The following CDC42EP4 variants were observed in gnomAD, a reference collection of about 807,000 sequenced individuals.
CDC42EP4 encodes CDC42 effector protein 4, also known as CDC42 effector protein (Rho GTPase binding) 4.
CDC42EP4 carries 6 observed loss-of-function variants against 5.6 expected under a neutral mutation model. That is an observed-to-expected ratio of 1.07 (90% CI 0.59 to 2.12). The LOEUF is 2.12. Among genes scored for constraint, CDC42EP4 ranks in the 30% most tolerant of loss-of-function variants. The probability of loss-of-function intolerance (pLI) is 0.00; values close to 1 mark genes in which losing one functional copy is unlikely to be tolerated. For synonymous variants in CDC42EP4, 230 were observed against 224.2 expected, an observed-to-expected ratio of 1.03 and a Z score of -0.23; for missense variants, 490 against 508.6, an observed-to-expected ratio of 0.96 and a Z score of 0.35.
chr17:73,297,305 A>C lies in CDC42EP4; in HGVS notation c.-112-10693T>G, dbSNP rs1258608906. The stretch of plus-strand genomic sequence containing the variant: ...GCAAGACTTCGTCTCCAAAAAAAAA[A>C]AAAAACACACACACACAAATTAGCC... On this transcript the variant is annotated intron_variant, in intron 1 of 1. Coordinates refer to ENST00000335793, the MANE Select transcript of CDC42EP4 (RefSeq NM_012121.5). Among the ~76,000 whole-genome samples the C allele has an allele frequency of 2.1e-3, 305 of 148,086 alleles. 1 individual carries two copies. Among genetic ancestry groups the C allele is most frequent in the African/African-American group, 6.9e-3 (275 of 39,946 alleles).
chr17:73,296,644 G>T (rs1191851774), intron 1 of CDC42EP4, among the ~76,000 whole-genome samples: 1 of 151,946 alleles, frequency 6.6e-6, no homozygotes, highest in East Asian at 1.9e-4. Context: ...GGTCAGGAGT[G>T]CAGTACCAGC....
chr17:73,290,253 C>CT (rs2062155348), intron 1 of CDC42EP4, among the ~76,000 whole-genome samples: 1 of 152,210 alleles, frequency 6.6e-6, no homozygotes, highest in Non-Finnish European at 1.5e-5. Flanking sequence ...GAAACTGGGT[C>CT]TTTGAGTCCA....
At chr17:73,294,002 A>T (rs1221867453) in intron 1 of CDC42EP4, among the ~76,000 whole-genome samples, 1 of 152,210 alleles carries the variant, frequency 6.6e-6, no homozygotes, top group African/African-American at 2.4e-5. Context: ...CTGCGTGCGC[A>T]AGGAGGTTAA....
In CDC42EP4 at chr17:73,285,467, AAGG is replaced by A. The variant is rs1236615190; in HGVS notation, c.1031_1033del (p.Ser344del). The stretch of plus-strand genomic sequence containing the variant: ...TTCATCCTCCTCCTCCTCATCCATG[AAGG>A]AGAACTCCTTGTCTGGCTGTCTTGA... On this transcript the variant is annotated inframe_deletion, in exon 2 of 2. Coordinates refer to ENST00000335793, the MANE Select transcript of CDC42EP4 (RefSeq NM_012121.5). The surrounding 1 kb of genome is among the most constrained non-coding windows in gnomAD (Gnocchi z 6.8). The A allele has an allele frequency of 3.2e-6, 5 of 1,575,722 alleles. No individual in the cohort carries two copies. Among genetic ancestry groups the A allele is most frequent in the Admixed American group, 3.6e-5 (2 of 56,008 alleles).
intron 1 of CDC42EP4, among the ~76,000 whole-genome samples, chr17:73,300,843 T>C (rs1259045415): frequency 6.6e-6 from 1 of 151,962 alleles, no homozygotes; most frequent in Non-Finnish European, 1.5e-5. Flanking sequence ...GGTCAGGTGT[T>C]CGAAACCAGA....
At position 73,297,001 on chromosome 17, in the gene CDC42EP4, A is replaced by AACAAAAAC. The variant is rs1555741521; in HGVS notation, c.-112-10390_-112-10389insGTTTTTGT. On this transcript the variant is annotated intron_variant, in intron 1 of 1. Transcript: ENST00000335793. ...GTCTCAAAAAAAAAAAAAAAAAAAA[A>AACAAAAAC]AAATACACAAGGCCAAGCGCCGTGG... Among the ~76,000 whole-genome samples the AACAAAAAC allele has an allele frequency of 3.2e-5, 2 of 61,734 alleles. 1 individual carries two copies. The highest frequency in any genetic ancestry group is 4.6e-4 in the Admixed American group (2 of 4,336). 40.5% of individuals were successfully genotyped at this position (61,734 alleles called of 152,430 possible).
At chr17:73,291,882 C>A (rs889389145) in intron 1 of CDC42EP4, among the ~76,000 whole-genome samples, 1 of 152,192 alleles carries the variant, frequency 6.6e-6, no homozygotes, top group East Asian at 1.9e-4. Context: ...CAGGCCCCTG[C>A]TTGGGTCACA....
At chr17:73,306,173 A>C (rs2062243396) in intron 1 of CDC42EP4, among the ~76,000 whole-genome samples, 1 of 152,120 alleles carries the variant, frequency 6.6e-6, no homozygotes. Context: ...GGAATTTGCC[A>C]GACCCCGGGT....
chr17:73,293,243 C>T (rs755532078), intron 1 of CDC42EP4, among the ~76,000 whole-genome samples: 21 of 152,114 alleles, frequency 1.4e-4, no homozygotes, highest in Non-Finnish European at 2.5e-4. Flanking sequence ...TGGAAGCTCC[C>T]GGAGGTCCTG....
chr17:73,310,425 C>T (rs1599446032), intron 1 of CDC42EP4, among the ~76,000 whole-genome samples: 2 of 152,182 alleles, frequency 1.3e-5, no homozygotes, highest in Non-Finnish European at 1.5e-5. Context: ...TTCCCTCCAG[C>T]ACCCTGGACC....
At chr17:73,296,595 G>C (rs999213622) in intron 1 of CDC42EP4, among the ~76,000 whole-genome samples, 1 of 152,118 alleles carries the variant, frequency 6.6e-6, no homozygotes, top group African/African-American at 2.4e-5. Flanking sequence ...GGCATTAAAT[G>C]GAAGTGCAAA....
chr17:73,286,228 CGACT>C lies in CDC42EP4; in HGVS notation c.269_272del (p.Gln90ArgfsTer2), dbSNP rs2062133136. The C allele has an allele frequency of 6.2e-7, 1 of 1,614,066 alleles. No individual in the cohort carries two copies. The highest frequency in any genetic ancestry group is 1.3e-5 in the African/African-American group (1 of 74,944). ...GCTGCTCCCGCTCCCCCCTGGTCAC[CGACT>C]GTGACCGCTTGCTGCCCCGGAACTT... On this transcript the variant is annotated frameshift_variant, in exon 2 of 2. Transcript: ENST00000335793. LOFTEE classifies it low-confidence loss of function (END_TRUNC). The surrounding 1 kb of genome is among the most constrained non-coding windows in gnomAD (Gnocchi z 7.7).
In CDC42EP4 at chr17:73,284,608, T is replaced by G. The variant is rs976146584; in HGVS notation, c.*822A>C. ...TGAAGAGGAGGCTTAGTATAAAGGT[T>G]TTCTAAAAGGATTGATTCTCATTCT... is the stretch of plus-strand genomic sequence containing the variant. On this transcript the variant is annotated 3_prime_UTR_variant, in exon 2 of 2. Coordinates refer to ENST00000335793, the MANE Select transcript of CDC42EP4 (RefSeq NM_012121.5). 6.6e-6 allele frequency: 1 copy of G among 152,178 alleles called. No homozygotes were observed. The highest frequency in any genetic ancestry group is 1.5e-5 in the Non-Finnish European group (1 of 68,034). 9.4% of individuals were successfully genotyped at this position (152,178 alleles called of 1,614,324 possible). A position where few individuals can be genotyped will look rare whatever the true frequency, so the allele number is the denominator to read the frequency against.
chr17:73,293,529 C>A (rs1429884480), intron 1 of CDC42EP4, among the ~76,000 whole-genome samples: 1 of 152,184 alleles, frequency 6.6e-6, no homozygotes, highest in African/African-American at 2.4e-5. Flanking sequence ...GGCCACGGCC[C>A]CTTCTCACAG....
At position 73,303,567 on chromosome 17, in the gene CDC42EP4, T is replaced by TAG. The variant is rs2062230230; in HGVS notation, c.-113+8324_-113+8325dup. On this transcript the variant is annotated intron_variant, in intron 1 of 1. Coordinates refer to ENST00000335793, the MANE Select transcript of CDC42EP4 (RefSeq NM_012121.5). ...ATGCCAGCTACTTGGGAGGCTGAGA[T>TAG]AGGAGAATCGCTTGAACCCAGGAGG... Among the ~76,000 whole-genome samples, 4 of 145,708 alleles carry TAG rather than the reference T, an allele frequency of 2.7e-5. No homozygotes were observed. The Admixed American group carries it at 2.8e-4, about 10-fold the overall frequency.
intron 1 of CDC42EP4, among the ~76,000 whole-genome samples, chr17:73,292,483 C>T (rs547315317): frequency 4.0e-5 from 5 of 125,700 alleles, no homozygotes; most frequent in South Asian, 3.1e-4. Context: ...TCCCAGGGCA[C>T]GTGTGTAGTG....
rs916574047 is a variant in CDC42EP4 at position 73,297,218 on chromosome 17, C to T, written c.-112-10606G>A. ...CGGAGGCAGGAGAATCACTTGAACC[C>T]GGGAGGCGGAGGTTGCTGTGAGCCA... On this transcript the variant is annotated intron_variant, in intron 1 of 1. Coordinates refer to ENST00000335793, the MANE Select transcript of CDC42EP4 (RefSeq NM_012121.5). Among the ~76,000 whole-genome samples the T allele has an allele frequency of 1.1e-4, 16 of 149,590 alleles. No individual in the cohort carries two copies. In the East Asian group the frequency reaches 2.0e-3, roughly 19 times the overall value.
Position 73,285,611 on chromosome 17 carries a change from CGGGCTGAGCCGGGGCTGG to C in CDC42EP4, c.872_889del (p.Pro291_Ala296del). On this transcript the variant is annotated inframe_deletion, in exon 2 of 2. Transcript: ENST00000335793. This position sits in a 1 kb window ranked among gnomAD's most constrained non-coding sequence, Gnocchi z 6.8. ...CCGTGTGGTGTGGCTGCCCATGCTG[CGGGCTGAGCCGGGGCTGG>C]GGGCCGCTGCTGCCCACCCCTCATC... is the stretch of plus-strand genomic sequence containing the variant. 1 of 1,606,506 alleles carries C rather than the reference CGGGCTGAGCCGGGGCTGG, an allele frequency of 6.2e-7. No individual in the cohort carries two copies. The highest frequency in any genetic ancestry group is 1.7e-5 in the Admixed American group (1 of 59,756).
chr17:73,288,635 C>T (rs541134213), intron 1 of CDC42EP4, among the ~76,000 whole-genome samples: 1 of 152,064 alleles, frequency 6.6e-6, no homozygotes, highest in Admixed American at 6.5e-5. Flanking sequence ...ACATGGTCCG[C>T]CTCCAACCGC....
Sources: gnomAD v4.1 joint callset for allele counts (sites outside exome capture counted in the v4.1 genomes callset) on GRCh38, gnomAD v4.1.1 for gene constraint, Gnocchi (gnomAD v3.1) non-coding constraint, MANE v1.5 for transcripts, NCBI Gene and HGNC (gene_info 2026-07-23, HGNC 2026-07-21) for gene names.